The following LRP1B variants were observed in gnomAD, a reference collection of about 807,000 sequenced individuals.
LRP1B encodes the protein low-density lipoprotein receptor-related protein 1B.
LRP1B carries 217 observed loss-of-function variants against 556.6 expected under a neutral mutation model. The ratio of observed to expected loss-of-function variants is 0.39; its 90% confidence interval spans 0.35 to 0.44. The LOEUF (loss-of-function observed/expected upper bound fraction) is 0.44, where lower values mean the gene tolerates loss of function less well. Among genes scored for constraint, LRP1B ranks in the 20% least tolerant of loss-of-function variants. LRP1B has a pLI of 1.00. For missense variants in LRP1B, 5,053 were observed against 5,620.8 expected, an observed-to-expected ratio of 0.90 and a Z score of 3.23; for synonymous variants, 2,047 against 1,865.8, an observed-to-expected ratio of 1.10 and a Z score of -2.50.
chr2:141,848,506 G>A (rs922762173), intron 1 of LRP1B, among the ~76,000 whole-genome samples: 1 of 151,448 alleles, frequency 6.6e-6, no homozygotes, highest in African/African-American at 2.4e-5. Flanking sequence ...TGTGGTATAT[G>A]CATAGACATA....
intron 1 of LRP1B, among the ~76,000 whole-genome samples, chr2:142,000,038 G>A (rs1056566548): frequency 6.7e-6 from 1 of 148,896 alleles, no homozygotes; most frequent in Middle Eastern, 3.3e-3. Flanking sequence ...TATAATATAT[G>A]TGATATATAC....
At chr2:141,756,107 A>G (rs1179183141) in intron 2 of LRP1B, among the ~76,000 whole-genome samples, 1 of 152,022 alleles carries the variant, frequency 6.6e-6, no homozygotes, top group Non-Finnish European at 1.5e-5. Flanking sequence ...CACCTCCCAA[A>G]TTCCCTATTA....
chr2:140,831,352 A>C (rs1326360438), intron 31 of LRP1B, among the ~76,000 whole-genome samples: 1 of 152,150 alleles, frequency 6.6e-6, no homozygotes, highest in Non-Finnish European at 1.5e-5. Context: ...ACGCTAGAGA[A>C]CTCAGAAATA....
chr2:140,560,171 A>G (rs1235066622), intron 43 of LRP1B, among the ~76,000 whole-genome samples: 1 of 152,140 alleles, frequency 6.6e-6, no homozygotes, highest in South Asian at 2.1e-4. Flanking sequence ...ATTGAGGGAC[A>G]TGCTAAAAAA....
At chr2:141,375,609 C>T in intron 3 of LRP1B, among the ~76,000 whole-genome samples, 1 of 152,264 alleles carries the variant, frequency 6.6e-6, no homozygotes, top group African/African-American at 2.4e-5. Flanking sequence ...AGCTTGGTCT[C>T]CATGTCCCTC....
chr2:140,532,403 T>A (rs1370371969), intron 47 of LRP1B, among the ~76,000 whole-genome samples: 1 of 149,858 alleles, frequency 6.7e-6, no homozygotes, highest in African/African-American at 2.4e-5. Flanking sequence ...TTTGGTTTTT[T>A]TGGGGGGTGG....
chr2:141,054,831 A>T (rs1355963321), intron 10 of LRP1B, among the ~76,000 whole-genome samples: 1 of 152,010 alleles, frequency 6.6e-6, no homozygotes, highest in Non-Finnish European at 1.5e-5. Flanking sequence ...ATTAGCTCAA[A>T]TACATTCTTT....
intron 43 of LRP1B, among the ~76,000 whole-genome samples, chr2:140,579,833 C>T (rs1390311955): frequency 6.6e-6 from 1 of 152,090 alleles, no homozygotes; most frequent in Non-Finnish European, 1.5e-5. Flanking sequence ...CAGAGTGAGA[C>T]TCCATCTCAA....
chr2:140,718,644 C>T (rs1687292733), intron 35 of LRP1B, among the ~76,000 whole-genome samples: 1 of 151,970 alleles, frequency 6.6e-6, no homozygotes, highest in Non-Finnish European at 1.5e-5. Flanking sequence ...ATAAGAATTT[C>T]TCTCCGCTGT....
intron 3 of LRP1B, among the ~76,000 whole-genome samples, chr2:141,397,462 AAG>A (rs1189558011): frequency 6.6e-6 from 1 of 151,970 alleles, no homozygotes; most frequent in African/African-American, 2.4e-5. Context: ...ATGAAAAAAA[AAG>A]TAAAAATTCA....
At chr2:140,731,350 T>G (rs775634730) in intron 35 of LRP1B, among the ~76,000 whole-genome samples, 8 of 152,176 alleles carry the variant, frequency 5.3e-5, no homozygotes, top group Non-Finnish European at 8.8e-5. Flanking sequence ...GAATAAATGT[T>G]GATATCCAAT....
rs1048838677 is a variant in LRP1B, at chr2:140,762,831, T to A, written c.5758+6382A>T. Among the ~76,000 whole-genome samples the A allele has an allele frequency of 2.6e-5, 4 of 152,302 alleles. No individual in the cohort carries two copies. In the East Asian group the frequency reaches 7.7e-4, roughly 29 times the overall value. Reference sequence around the variant, plus strand: ...TCAGAAGCTGAATCACAGCTTTTTTTAAATAAATGCTATCAAAAAGACAAA... The same window carrying A: ...TCAGAAGCTGAATCACAGCTTTTTTAAAATAAATGCTATCAAAAAGACAAA... On this transcript the variant is annotated intron_variant, in intron 35 of 90. Coordinates refer to ENST00000389484, the MANE Select transcript of LRP1B (RefSeq NM_018557.3).
intron 6 of LRP1B, among the ~76,000 whole-genome samples, chr2:141,189,133 C>A (rs752989884): frequency 1.3e-5 from 2 of 151,890 alleles, no homozygotes; most frequent in African/African-American, 4.8e-5. Context: ...CAATGGCATA[C>A]TTAGGAATTG....
At chr2:141,594,036 A>G (rs1687429083) in intron 2 of LRP1B, among the ~76,000 whole-genome samples, 1 of 151,742 alleles carries the variant, frequency 6.6e-6, no homozygotes. Flanking sequence ...TTGGTCTTCT[A>G]CTCTGTCATG....
chr2:141,174,004 T>A (rs1369397243), intron 7 of LRP1B, among the ~76,000 whole-genome samples: 1 of 151,994 alleles, frequency 6.6e-6, no homozygotes, highest in South Asian at 2.1e-4. Context: ...GATAGAATAC[T>A]TTTCTTTCTC....
At chr2:140,536,037 C>G (rs1000800950) in intron 46 of LRP1B, among the ~76,000 whole-genome samples, 2 of 152,012 alleles carry the variant, frequency 1.3e-5, no homozygotes, top group Admixed American at 6.6e-5. Context: ...TAAGCCTGTC[C>G]ATATCCAAAA....
chr2:141,149,815 A>G (rs1362579305), intron 7 of LRP1B, among the ~76,000 whole-genome samples: 2 of 152,190 alleles, frequency 1.3e-5, no homozygotes, highest in African/African-American at 4.8e-5. Flanking sequence ...TTAAAAAAAG[A>G]GTTGGGATTT....
At chr2:140,759,591 T>C (rs1316746904) in intron 35 of LRP1B, among the ~76,000 whole-genome samples, 1 of 152,208 alleles carries the variant, frequency 6.6e-6, no homozygotes, top group Non-Finnish European at 1.5e-5. Flanking sequence ...TCCTAGAAAC[T>C]GATTTGTTTC....
At chr2:142,099,951 G>A (rs756132654) in intron 1 of LRP1B, among the ~76,000 whole-genome samples, 3 of 151,890 alleles carry the variant, frequency 2.0e-5, no homozygotes, top group Admixed American at 6.6e-5. Context: ...GATTCTAAGT[G>A]TTAGAAAGAT....
Sources: allele counts gnomAD v4.1 joint callset (sites outside exome capture counted in the v4.1 genomes callset), GRCh38; gene constraint gnomAD v4.1.1; transcripts MANE v1.5; gene names NCBI Gene and HGNC (gene_info 2026-07-23, HGNC 2026-07-21).